The following BAHCC1 variants were observed in gnomAD, a reference collection of about 807,000 sequenced individuals.
BAHCC1 encodes the protein BAH and coiled-coil domain-containing protein 1.
A neutral mutation model predicts 88.2 loss-of-function variants in BAHCC1; 43 were observed. The ratio of observed to expected loss-of-function variants is 0.49; its 90% CI spans 0.38 to 0.63. The LOEUF (loss-of-function observed/expected upper bound fraction) is 0.63, where lower values mean the gene tolerates loss of function less well. Among genes scored for constraint, BAHCC1 ranks in the 20% least tolerant of loss-of-function variants. The pLI, the probability that BAHCC1 is intolerant of heterozygous loss-of-function variation, is 0.00. For synonymous variants in BAHCC1, 1,510 were observed against 745.5 expected, an observed-to-expected ratio of 2.03 and a Z score of -16.71; for missense variants, 3,023 against 1,654.8, an observed-to-expected ratio of 1.83 and a Z score of -14.34.
Position 81,452,118 on chromosome 17 carries a change from C to T in BAHCC1, c.4316+11C>T, listed in dbSNP as rs781808828. The stretch of plus-strand genomic sequence containing the variant: ...CAAGCACGACCATGAGTACGCCTGG[C>T]GTGGCGGGGGGGCCTGGGAGGGTCG... On this transcript the variant is annotated intron_variant, in intron 13 of 27. Transcript: ENST00000675386. 15 of 612,540 alleles carry T rather than the reference C, an allele frequency of 2.4e-5. No individual in the cohort carries two copies. Among genetic ancestry groups the T allele is most frequent in the African/African-American group, 1.5e-4 (8 of 51,812 alleles). 37.9% of individuals were successfully genotyped at this position (612,540 alleles called of 1,614,324 possible).
At chr17:81,429,424 G>A (rs1177597018) in intron 3 of BAHCC1, among the ~76,000 whole-genome samples, 1 of 152,220 alleles carries the variant, frequency 6.6e-6, no homozygotes, top group South Asian at 2.1e-4. Flanking sequence ...CGTGCTCCCC[G>A]ACAGACCACA....
rs2063951032 is a variant in BAHCC1 at position 81,411,502 on chromosome 17, G to GCCTGCCTGCCTT, written c.178+11596_178+11597insTCCTGCCTGCCT. ...TGCCTGCCTGCCTGCCTGCCTGCCT[G>GCCTGCCTGCCTT]CCTGCCTGCCTGCCTTCCTTCCTTC... On this transcript the variant is annotated intron_variant, in intron 2 of 27. Transcript: ENST00000675386. This position sits in a 1 kb window ranked among gnomAD's most constrained non-coding sequence, Gnocchi z 6.2. The GCCTGCCTGCCTT allele has an allele frequency of 3.1e-6, 1 of 319,946 alleles. No homozygotes were observed. The highest frequency in any genetic ancestry group is 5.9e-6 in the Non-Finnish European group (1 of 168,352). The allele number at this position is 319,946 out of a possible 1,614,324, so 19.8% of individuals were successfully genotyped here. A position where few individuals can be genotyped will look rare whatever the true frequency, so the allele number is the denominator to read the frequency against.
intron 2 of BAHCC1, among the ~76,000 whole-genome samples, chr17:81,410,296 G>A (rs2063933970): frequency 6.6e-6 from 1 of 152,208 alleles, no homozygotes; most frequent in Non-Finnish European, 1.5e-5. Flanking sequence ...CCCCTGGGCA[G>A]CAGGCAGCGA....
At position 81,414,950 on chromosome 17, in the gene BAHCC1, G is replaced by A. The variant is rs556989612; in HGVS notation, c.179-11850G>A. Among the ~76,000 whole-genome samples, 16 of 152,268 alleles carry A rather than the reference G, an allele frequency of 1.1e-4. No individual in the cohort carries two copies. In the East Asian group the frequency reaches 1.2e-3, roughly 11 times the overall value. On this transcript the variant is annotated intron_variant, in intron 2 of 27. Transcript: ENST00000675386. ...ATCCCCACCCGACTGGCCATTACCC[G>A]CCACGGTGTACTATCCTCGCCAGCA... is the stretch of plus-strand genomic sequence containing the variant.
chr17:81,408,010 G>A (rs1016721161), intron 2 of BAHCC1, among the ~76,000 whole-genome samples: 12 of 152,140 alleles, frequency 7.9e-5, no homozygotes, highest in African/African-American at 2.7e-4. Context: ...CTGGCCACCT[G>A]CAGGAGGGAG....
intron 2 of BAHCC1, among the ~76,000 whole-genome samples, chr17:81,409,039 G>A (rs1301049880): frequency 3.3e-5 from 5 of 152,240 alleles, no homozygotes; most frequent in South Asian, 2.1e-4. Context: ...AAAGATGAAC[G>A]ATTAACTCTG....
At chr17:81,396,441 A>C (rs1555644921) in intron 1 of BAHCC1, 1 of 151,984 alleles carries the variant, frequency 6.6e-6, no homozygotes, top group African/African-American at 2.4e-5. Flanking sequence ...CGCGGGGGTC[A>C]GGCGCGACCC....
chr17:81,408,405 G>A (rs1379857342), intron 2 of BAHCC1, among the ~76,000 whole-genome samples: 2 of 146,424 alleles, frequency 1.4e-5, no homozygotes, highest in African/African-American at 5.0e-5. Flanking sequence ...CACCCCCCAG[G>A]CTCCCACCCT....
At position 81,443,170 on chromosome 17, in the gene BAHCC1, C is replaced by T; in HGVS notation, c.1821C>T (p.Asp607=). ...AGCGCAAGGCTGGCGCCTACCTGGA[C>T]CCCTTTGGCAGTGGCCTGCAGCAGG... ...SEERKAGAYL[D]PFGSGLQQAA... Residue 607 remains aspartate (D), a synonymous_variant, in exon 5 of 28, where the codon GAC becomes GAT. Coordinates refer to ENST00000675386, the MANE Select transcript of BAHCC1 (RefSeq NM_001377448.1). 1 of 778,990 alleles carries T rather than the reference C, an allele frequency of 1.3e-6. No homozygotes were observed. Among genetic ancestry groups the T allele is most frequent in the Non-Finnish European group, 2.4e-6 (1 of 417,658 alleles). 48.3% of individuals were successfully genotyped at this position (778,990 alleles called of 1,614,324 possible).
rs1285597170 is a variant in BAHCC1 at position 81,458,420 on chromosome 17, T to A, written c.5297T>A (p.Leu1766His). ...GGCAGCCAGCTGGCCAGTGAGCGCC[T>A]CAAGAGGGCCACGCGCAAGGGCACA... is the stretch of plus-strand genomic sequence containing the variant. Reference protein sequence around the residue: ...EEGSQLASERLKRATRKGTVL... With the variant: ...EEGSQLASERHKRATRKGTVL... The change falls in exon 18 of 28, where the codon CTC becomes CAC. Residue 1766 changes from leucine (L) to histidine (H), a missense_variant. By Grantham distance (99) the Leu-to-His change is moderately conservative (BLOSUM62 -3). Coordinates refer to ENST00000675386, the MANE Select transcript of BAHCC1 (RefSeq NM_001377448.1). 8.1e-6 allele frequency: 6 copies of A among 742,686 alleles called. No homozygotes were observed. The highest frequency in any genetic ancestry group is 1.8e-5 in the Admixed American group (1 of 55,044). The allele number at this position is 742,686 out of a possible 1,614,324, so 46.0% of individuals were successfully genotyped here. A position where few individuals can be genotyped will look rare whatever the true frequency, so the allele number is the denominator to read the frequency against.
chr17:81,458,583 C>T (rs11871605), intron 18 of BAHCC1, 38 bp from the exon 19 acceptor site: 27,641 of 697,726 alleles, frequency 0.04, 702 homozygotes, highest in African/African-American at 0.065. Flanking sequence ...GGCTGTCCCA[C>T]CCTTGACTCA....
intron 3 of BAHCC1, among the ~76,000 whole-genome samples, chr17:81,429,580 C>T (rs1484276608): frequency 2.0e-5 from 3 of 152,290 alleles, no homozygotes; most frequent in Admixed American, 2.0e-4. Flanking sequence ...TGTTTCTCTG[C>T]CGTGTGTGTT....
rs1236217579 is a variant in BAHCC1, at chr17:81,466,255, C to CT, written c.*2439dup. 16 of 152,550 alleles carry CT rather than the reference C, an allele frequency of 1.0e-4. No individual in the cohort carries two copies. Among genetic ancestry groups the CT allele is most frequent in the Admixed American group, 1.0e-3 (16 of 15,294 alleles). 9.4% of individuals were successfully genotyped at this position (152,550 alleles called of 1,614,324 possible). On this transcript the variant is annotated 3_prime_UTR_variant, in exon 28 of 28. Coordinates refer to ENST00000675386, the MANE Select transcript of BAHCC1 (RefSeq NM_001377448.1). The stretch of plus-strand genomic sequence containing the variant: ...ACAAAGGTTTTATGAACAGCAGACT[C>CT]TATGTAAAGGCATTTTAGTATCAAA...
Position 81,443,843 on chromosome 17 carries a change from C to T in BAHCC1, c.2250C>T (p.Asp750=), listed in dbSNP as rs1229322856. The part of the protein sequence containing the change: ...GGGPRSTHAL[D]LEAEEERTRL... ...GGCCCCGTTCCACACACGCGCTGGACCTGGAGGCTGAGGAGGAGAGGACGA... is the reference window on the plus strand; with the variant it reads ...GGCCCCGTTCCACACACGCGCTGGATCTGGAGGCTGAGGAGGAGAGGACGA... Residue 750 remains aspartate, a synonymous_variant, in exon 6 of 28, where the codon GAC becomes GAT. Transcript: ENST00000675386. The T allele has an allele frequency of 4.2e-6, 3 of 714,004 alleles. No individual in the cohort carries two copies. The East Asian group carries it at 8.0e-5, about 19-fold the overall frequency. The allele number at this position is 714,004 out of a possible 1,614,324, so 44.2% of individuals were successfully genotyped here.
chr17:81,436,733 G>A (rs56404339), intron 3 of BAHCC1, among the ~76,000 whole-genome samples: 5,315 of 152,250 alleles, frequency 0.035, 266 homozygotes, highest in African/African-American at 0.12. Flanking sequence ...CCTCAGCCCC[G>A]TGTCCTCAGC....
chr17:81,413,367 C>T (rs1232645575), intron 2 of BAHCC1, among the ~76,000 whole-genome samples: 3 of 152,222 alleles, frequency 2.0e-5, no homozygotes, highest in African/African-American at 7.2e-5. Flanking sequence ...AGCCTCTGCA[C>T]CCCCGTGCCA....
In BAHCC1 at chr17:81,465,400, C is replaced by G. The variant is rs1372769785; in HGVS notation, c.*1583C>G. On this transcript the variant is annotated 3_prime_UTR_variant, in exon 28 of 28. Coordinates refer to ENST00000675386, the MANE Select transcript of BAHCC1 (RefSeq NM_001377448.1). ...CTCGAGGGCTCTGCCCCAGTATCCCCAGGGAATTCACACCCCTCCCCTTCT... is the reference window on the plus strand; with the variant it reads ...CTCGAGGGCTCTGCCCCAGTATCCCGAGGGAATTCACACCCCTCCCCTTCT... 2.0e-5 allele frequency: 3 copies of G among 152,286 alleles called. No individual in the cohort carries two copies. Among genetic ancestry groups the G allele is most frequent in the Non-Finnish European group, 4.4e-5 (3 of 68,106 alleles). The allele number at this position is 152,286 out of a possible 1,614,324, so 9.4% of individuals were successfully genotyped here.
intron 2 of BAHCC1, among the ~76,000 whole-genome samples, chr17:81,416,206 GTGTACGTGTA>G (rs2064021428): frequency 6.7e-6 from 1 of 150,314 alleles, no homozygotes; most frequent in African/African-American, 2.5e-5. Context: ...GTATGCGCGT[GTGTACGTGTA>G]TGTGTGTCCA....
intron 2 of BAHCC1, among the ~76,000 whole-genome samples, chr17:81,417,869 G>C (rs1555648992): frequency 6.6e-6 from 1 of 152,250 alleles, no homozygotes; most frequent in East Asian, 1.9e-4. Flanking sequence ...GCTGCTGCAG[G>C]TCCCGGGCTG....
Sources: allele counts gnomAD v4.1 joint callset (sites outside exome capture counted in the v4.1 genomes callset), GRCh38; gene constraint gnomAD v4.1.1; non-coding constraint Gnocchi (gnomAD v3.1); transcripts MANE v1.5; gene names NCBI Gene and HGNC (gene_info 2026-07-23, HGNC 2026-07-21).